CSMD1: variants seen among roughly 807,000 people sequenced by gnomAD.
The protein encoded by CSMD1 is CUB and Sushi multiple domains 1, also known as CUB and sushi domain-containing protein 1.
CSMD1 carries 213 observed loss-of-function variants against 417.5 expected under a neutral mutation model. That is an observed-to-expected ratio of 0.51 (90% CI 0.46 to 0.57). The LOEUF (loss-of-function observed/expected upper bound fraction) is 0.57. CSMD1 is among the 20% of genes least tolerant of loss of function. The probability of loss-of-function intolerance (pLI) is 0.00; values close to 1 mark genes in which losing one functional copy is unlikely to be tolerated. For synonymous variants in CSMD1, 2,862 were observed against 1,736.8 expected (o/e 1.65, Z -16.11); for missense variants, 6,923 against 4,529.7 (o/e 1.53, Z -15.17).
At chr8:4,990,474 C>G (rs985485592) in intron 1 of CSMD1, among the ~76,000 whole-genome samples, 2 of 152,116 alleles carry the variant, frequency 1.3e-5, no homozygotes, top group African/African-American at 4.8e-5. Flanking sequence ...AGAGATTCTC[C>G]TGCCTCAGCC....
chr8:4,631,289 G>A (rs1022397585), intron 2 of CSMD1, among the ~76,000 whole-genome samples: 1 of 152,166 alleles, frequency 6.6e-6, no homozygotes, highest in Non-Finnish European at 1.5e-5. Flanking sequence ...TGGAACCTGG[G>A]AGGCAGAGGT....
intron 3 of CSMD1, among the ~76,000 whole-genome samples, chr8:4,212,487 G>T (rs1005898088): frequency 4.6e-5 from 7 of 152,062 alleles, no homozygotes; most frequent in African/African-American, 1.4e-4. Flanking sequence ...CTGGCAGATG[G>T]AAGCGATCCT....
intron 5 of CSMD1, among the ~76,000 whole-genome samples, chr8:3,941,790 C>T (rs756452715): frequency 2.0e-5 from 3 of 152,058 alleles, no homozygotes; most frequent in Non-Finnish European, 4.4e-5. Flanking sequence ...CCAATTTTTC[C>T]TCTGTTCCCT....
chr8:4,181,460 C>T (rs1269160591), intron 3 of CSMD1, among the ~76,000 whole-genome samples: 4 of 151,900 alleles, frequency 2.6e-5, no homozygotes, highest in Non-Finnish European at 4.4e-5. Context: ...TTGGGTCACA[C>T]AGAAAATACA....
intron 3 of CSMD1, among the ~76,000 whole-genome samples, chr8:4,392,841 AC>A (rs1303447519): frequency 6.6e-6 from 1 of 151,692 alleles, no homozygotes; most frequent in African/African-American, 2.4e-5. Context: ...GGTGGCAGGC[AC>A]CTGTAATCCC....
intron 3 of CSMD1, among the ~76,000 whole-genome samples, chr8:4,229,943 A>G (rs575416046): frequency 1.3e-4 from 20 of 152,314 alleles, no homozygotes; most frequent in African/African-American, 3.6e-4. Context: ...CTTACATTCT[A>G]ATATCAAGAG....
At chr8:3,257,990 T>C (rs73185594) in intron 26 of CSMD1, among the ~76,000 whole-genome samples, 2,250 of 152,258 alleles carry the variant, frequency 0.015, 23 homozygotes, top group Non-Finnish European at 0.025. Flanking sequence ...TGGAAGGCTA[T>C]TGCAGGGGCA....
chr8:3,537,707 T>C (rs1336347801), intron 10 of CSMD1, among the ~76,000 whole-genome samples: 1 of 152,202 alleles, frequency 6.6e-6, no homozygotes, highest in African/African-American at 2.4e-5. Flanking sequence ...AAATCATATA[T>C]CACTTCATAC....
At chr8:3,284,688 T>C in intron 25 of CSMD1, 1 of 258,818 alleles carries the variant, frequency 3.9e-6, no homozygotes, top group Non-Finnish European at 7.6e-6. Flanking sequence ...AAATATAAGC[T>C]TGGCATTGAC....
chr8:4,609,234 T>C (rs1174090720), intron 2 of CSMD1, among the ~76,000 whole-genome samples: 2 of 152,082 alleles, frequency 1.3e-5, no homozygotes, highest in Non-Finnish European at 2.9e-5. Flanking sequence ...ACCCTGTATC[T>C]ACAAAAAAAT....
intron 5 of CSMD1, among the ~76,000 whole-genome samples, chr8:3,802,253 T>A (rs997724771): frequency 2.0e-5 from 3 of 152,162 alleles, no homozygotes; most frequent in Non-Finnish European, 2.9e-5. Flanking sequence ...TAAAATGAGT[T>A]TGGAACATCT....
intron 5 of CSMD1, among the ~76,000 whole-genome samples, chr8:3,992,197 A>G (rs949333510): frequency 6.6e-6 from 1 of 150,608 alleles, no homozygotes; most frequent in African/African-American, 2.4e-5. Flanking sequence ...ATTTACATTC[A>G]TATTTATTTC....
chr8:4,802,145 G>C (rs1798323050), intron 1 of CSMD1, among the ~76,000 whole-genome samples: 1 of 152,186 alleles, frequency 6.6e-6, no homozygotes, highest in Admixed American at 6.5e-5. Context: ...CAAAATCGAA[G>C]AGCAATTGCA....
chr8:4,022,096 C>CAT (rs57821821), intron 4 of CSMD1, among the ~76,000 whole-genome samples: 58,424 of 141,490 alleles, frequency 0.41, 13,841 homozygotes, highest in South Asian at 0.64. Flanking sequence ...CACACACACA[C>CAT]ATATATATAT....
intron 3 of CSMD1, among the ~76,000 whole-genome samples, chr8:4,034,562 G>A (rs759015036): frequency 2.6e-5 from 4 of 152,018 alleles, no homozygotes; most frequent in Non-Finnish European, 4.4e-5. Context: ...ATTTTATCAG[G>A]GCAGCCCTTC....
chr8:4,041,543 C>G (rs574968897), intron 3 of CSMD1, among the ~76,000 whole-genome samples: 2 of 152,016 alleles, frequency 1.3e-5, no homozygotes, highest in African/African-American at 4.8e-5. Context: ...TATGGGAATA[C>G]AAAAATATTC....
At chr8:3,365,435 G>C (rs1024425750) in intron 20 of CSMD1, among the ~76,000 whole-genome samples, 26 of 152,176 alleles carry the variant, frequency 1.7e-4, no homozygotes, top group Non-Finnish European at 4.4e-5. Context: ...ACATGCACTA[G>C]TTAGTAGGCA....
At chr8:3,458,814 C>A (rs949762537) in intron 12 of CSMD1, among the ~76,000 whole-genome samples, 1 of 152,124 alleles carries the variant, frequency 6.6e-6, no homozygotes, top group South Asian at 2.1e-4. Flanking sequence ...TCTGGAGAAA[C>A]AGGATTGAAT....
At chr8:4,735,844 G>A (rs1810199817) in intron 1 of CSMD1, among the ~76,000 whole-genome samples, 1 of 152,110 alleles carries the variant, frequency 6.6e-6, no homozygotes, top group South Asian at 2.1e-4. Context: ...CTGAACTGAG[G>A]CCTTTCTGAT....
Sources: gnomAD v4.1 joint callset for allele counts (sites outside exome capture counted in the v4.1 genomes callset) on GRCh38, gnomAD v4.1.1 for gene constraint, MANE v1.5 for transcripts, NCBI Gene and HGNC (gene_info 2026-07-23, HGNC 2026-07-21) for gene names.